The following GLIPR1L1 variants were observed in gnomAD, a reference collection of about 807,000 sequenced individuals.
GLIPR1L1 encodes the protein GLIPR1-like protein 1.
GLIPR1L1 carries 26 observed loss-of-function variants against 29.9 expected under a neutral mutation model. The observed-to-expected ratio is 0.87, with a 90% CI of 0.64 to 1.21. The LOEUF (loss-of-function observed/expected upper bound fraction) is 1.21. GLIPR1L1 is among the 50% of genes most tolerant of loss of function. The probability of loss-of-function intolerance (pLI) is 0.00; values close to 1 mark genes in which losing one functional copy is unlikely to be tolerated. For synonymous variants in GLIPR1L1, 77 were observed against 97.5 expected (o/e 0.79, Z 1.24); for missense variants, 305 against 290.3 (o/e 1.05, Z -0.37).
chr12:75,337,351 T>TAA (rs35917340), intron 1 of GLIPR1L1, among the ~76,000 whole-genome samples: 3 of 151,440 alleles, frequency 2.0e-5, no homozygotes, highest in African/African-American at 7.2e-5. Flanking sequence ...AAACCAGTAG[T>TAA]AAAAAAAAGA....
At chr12:75,338,825 C>T in intron 1 of GLIPR1L1, among the ~76,000 whole-genome samples, 1 of 135,334 alleles carries the variant, frequency 7.4e-6, no homozygotes, top group South Asian at 2.4e-4. Context: ...TTGTTCAGCT[C>T]CCACTTATAA....
chr12:75,355,808 T>TGA (rs2043120533), intron 3 of GLIPR1L1, among the ~76,000 whole-genome samples: 1 of 152,150 alleles, frequency 6.6e-6, no homozygotes, highest in Non-Finnish European at 1.5e-5. Context: ...TAAAAAGGAA[T>TGA]GAGATCATGT....
Position 75,363,196 on chromosome 12 carries a change from CAA to C in GLIPR1L1, c.610+10_610+11del. The C allele has an allele frequency of 1.6e-6, 2 of 1,289,486 alleles. No individual in the cohort carries two copies. The highest frequency in any genetic ancestry group is 1.0e-6 in the Non-Finnish European group (1 of 953,948). The allele number at this position is 1,289,486 out of a possible 1,614,324, so 79.9% of individuals were successfully genotyped here. On this transcript the variant is annotated splice_region_variant and intron_variant, in intron 4 of 5. Transcript: ENST00000378695. ...ATGTGTAAAGAACCTCTGCAGTAAGCAAAAATATATATATATAATTACATTTA... is the reference window on the plus strand; with the variant it reads ...ATGTGTAAAGAACCTCTGCAGTAAGCAAATATATATATATAATTACATTTA...
chr12:75,338,883 A>T (rs889526213), intron 1 of GLIPR1L1, among the ~76,000 whole-genome samples: 1 of 152,208 alleles, frequency 6.6e-6, no homozygotes, highest in African/African-American at 2.4e-5. Flanking sequence ...TAGTTTGCTG[A>T]GGATAATAGC....
At chr12:75,341,008 G>A (rs1565954684) in intron 1 of GLIPR1L1, among the ~76,000 whole-genome samples, 1 of 151,362 alleles carries the variant, frequency 6.6e-6, no homozygotes, top group African/African-American at 2.4e-5. Context: ...GCCACTCTAG[G>A]AAATAGTTTG....
chr12:75,357,231 G>A (rs1438710547), intron 3 of GLIPR1L1, among the ~76,000 whole-genome samples: 1 of 152,068 alleles, frequency 6.6e-6, no homozygotes, highest in East Asian at 1.9e-4. Context: ...ATTAGTATCA[G>A]AAAATGTAGA....
intron 3 of GLIPR1L1, among the ~76,000 whole-genome samples, chr12:75,353,378 T>C (rs2042941885): frequency 6.6e-6 from 1 of 152,038 alleles, no homozygotes; most frequent in Admixed American, 6.6e-5. Flanking sequence ...TCTGTGCAAA[T>C]CACTTGGAAA....
intron 1 of GLIPR1L1, among the ~76,000 whole-genome samples, chr12:75,337,711 G>A (rs996097914): frequency 1.3e-5 from 2 of 151,910 alleles, no homozygotes; most frequent in Admixed American, 6.6e-5. Context: ...ATCACATAAA[G>A]TCTCATAAAT....
At position 75,343,818 on chromosome 12, in the gene GLIPR1L1, C is replaced by G. The variant is rs146908424; in HGVS notation, c.300C>G (p.Ile100Met). ...CTTTTGAATATGTTGGAGAAAATAT[C>G]TGGTTAGGTGGAATAAAGTCATTCA... Reference protein sequence around the residue: ...YAAFEYVGENIWLGGIKSFTP... With the variant: ...YAAFEYVGENMWLGGIKSFTP... Residue 100 changes from isoleucine (I) to methionine (M), a missense_variant, in exon 2 of 6, where the codon ATC becomes ATG. Transcript: ENST00000378695. The G allele has an allele frequency of 9.3e-6, 15 of 1,613,376 alleles. No individual in the cohort carries two copies. The African/African-American group carries it at 2.0e-4, about 22-fold the overall frequency.
intron 1 of GLIPR1L1, among the ~76,000 whole-genome samples, chr12:75,338,445 A>G (rs2041878694): frequency 6.6e-6 from 1 of 152,170 alleles, no homozygotes. Flanking sequence ...GAAAAATTAT[A>G]TGATCATCTC....
At chr12:75,342,382 G>C (rs931704053) in intron 1 of GLIPR1L1, among the ~76,000 whole-genome samples, 1 of 151,994 alleles carries the variant, frequency 6.6e-6, no homozygotes, top group Admixed American at 6.5e-5. Flanking sequence ...GGGAAAAGTA[G>C]GTGAAGTCTA....
chr12:75,369,796 A>G (rs2044237513), intron 4 of GLIPR1L1, 164 bp from the exon 5 acceptor site: 10 of 982,150 alleles, frequency 1.0e-5, no homozygotes, highest in Non-Finnish European at 1.2e-5. Context: ...CATCGTAAAG[A>G]GTTTTAAGTA....
At chr12:75,344,597 G>A (rs896505820) in intron 2 of GLIPR1L1, among the ~76,000 whole-genome samples, 4 of 151,914 alleles carry the variant, frequency 2.6e-5, no homozygotes, top group African/African-American at 7.3e-5. Flanking sequence ...TGTTAGCTCT[G>A]TGTTAGTTTC....
chr12:75,366,974 T>C (rs1293416482), intron 4 of GLIPR1L1: 4 of 701,776 alleles, frequency 5.7e-6, no homozygotes, highest in Non-Finnish European at 1.0e-5. Context: ...AGCTTGCAGC[T>C]TGCAGTAACA....
chr12:75,367,040 T>C (rs963058776), intron 4 of GLIPR1L1: 14 of 700,610 alleles, frequency 2.0e-5, no homozygotes, highest in Non-Finnish European at 3.1e-5. Flanking sequence ...TCTCTAAAAA[T>C]GACAGTTTAA....
chr12:75,342,795 T>C (rs1357166356), intron 1 of GLIPR1L1, among the ~76,000 whole-genome samples: 1 of 152,114 alleles, frequency 6.6e-6, no homozygotes, highest in African/African-American at 2.4e-5. Context: ...AATATTCTGG[T>C]CCATGAACAT....
chr12:75,343,939 G>T lies in GLIPR1L1; in HGVS notation c.420+1G>T, dbSNP rs527762752. Reference sequence around the variant, plus strand: ...CAGAGTCTGTGGCCATTATACACAGGTAAATATTTGACATCTTTATTGATT... The same window carrying T: ...CAGAGTCTGTGGCCATTATACACAGTTAAATATTTGACATCTTTATTGATT... On this transcript the variant is annotated splice_donor_variant, in intron 2 of 5. Coordinates refer to ENST00000378695, the MANE Select transcript of GLIPR1L1 (RefSeq NM_001304964.2). LOFTEE classifies it high-confidence loss of function. The T allele has an allele frequency of 6.3e-7, 1 of 1,595,150 alleles. No individual in the cohort carries two copies. Among genetic ancestry groups the T allele is most frequent in the East Asian group, 2.2e-5 (1 of 44,602 alleles).
At chr12:75,367,203 G>C (rs73364096) in intron 4 of GLIPR1L1, among the ~76,000 whole-genome samples, 44,769 of 149,048 alleles carry the variant, frequency 0.3, 7,800 homozygotes, top group East Asian at 0.45. Context: ...AATGGCAGTG[G>C]AGAAGATCCT....
rs1189585503 is a variant in GLIPR1L1, at chr12:75,334,697, C to T, written c.-32C>T. 1 of 1,597,230 alleles carries T rather than the reference C, an allele frequency of 6.3e-7. No homozygotes were observed. Among genetic ancestry groups the T allele is most frequent in the Admixed American group, 1.7e-5 (1 of 58,858 alleles). ...CCCAGCCGTTACTGGTCCGCGCAGT[C>T]AGGGCATCCTCCGCATCCTCCACAT... On this transcript the variant is annotated 5_prime_UTR_variant, in exon 1 of 6. Transcript: ENST00000378695.
Sources: gnomAD v4.1 joint callset for allele counts (sites outside exome capture counted in the v4.1 genomes callset) on GRCh38, gnomAD v4.1.1 for gene constraint, MANE v1.5 for transcripts, NCBI Gene and HGNC (gene_info 2026-07-23, HGNC 2026-07-21) for gene names.